The following NLRC3 variants were observed in gnomAD, a reference collection of about 807,000 sequenced individuals.
NLRC3 encodes the protein NLR family CARD domain containing 3.
In NLRC3, 87 loss-of-function variants were observed where a neutral mutation model predicts 91.6. That is an observed-to-expected ratio of 0.95 (90% CI 0.80 to 1.14). The LOEUF is 1.14. NLRC3 is among the 50% of genes most tolerant of loss of function. NLRC3 has a pLI of 0.00. For missense variants in NLRC3, 1,577 were observed against 1,418.6 expected (o/e 1.11, Z -1.79); for synonymous variants, 694 against 625.3 (o/e 1.11, Z -1.64).
At chr16:3,576,910 T>TC (rs1173916229) in intron 1 of NLRC3, among the ~76,000 whole-genome samples, 1 of 152,142 alleles carries the variant, frequency 6.6e-6, no homozygotes, top group Non-Finnish European at 1.5e-5. Context: ...CCTCAAGTGA[T>TC]CCGCCCACCT....
At chr16:3,549,033 G>T in intron 13 of NLRC3, 109 bp downstream of exon 13, 1 of 870,916 alleles carries the variant, frequency 1.1e-6, no homozygotes, top group Non-Finnish European at 1.9e-6. Flanking sequence ...TCCCCAGCCA[G>T]CTCCTTCTCC....
chr16:3,540,839 C>T lies in NLRC3; in HGVS notation c.*986G>A, dbSNP rs2038363589. 1 of 151,652 alleles carries T rather than the reference C, an allele frequency of 6.6e-6. No individual in the cohort carries two copies. The highest frequency in any genetic ancestry group is 2.4e-5 in the African/African-American group (1 of 41,250). The allele number at this position is 151,652 out of a possible 1,614,324, so 9.4% of individuals were successfully genotyped here. Reference sequence around the variant, plus strand: ...GACATCACTGAATACACTGAATGTGCTATTGATAACCAGTGTGCCAGACTC... The same window carrying T: ...GACATCACTGAATACACTGAATGTGTTATTGATAACCAGTGTGCCAGACTC... On this transcript the variant is annotated 3_prime_UTR_variant, in exon 20 of 20. Transcript: ENST00000359128.
At chr16:3,552,395 C>A in intron 9 of NLRC3, 116 bp from the exon 10 acceptor site, 1 of 724,530 alleles carries the variant, frequency 1.4e-6, no homozygotes, top group Non-Finnish European at 2.4e-6. Context: ...TTTATTGGAG[C>A]AGGTGGGGAG....
Position 3,557,449 on chromosome 16 carries a change from A to AC in NLRC3, c.2099+143dup, listed in dbSNP as rs1361655796. 9.8e-6 allele frequency: 6 copies of AC among 613,384 alleles called. No individual in the cohort carries two copies. In the African/African-American group the frequency reaches 1.1e-4, roughly 11 times the overall value. The allele number at this position is 613,384 out of a possible 1,614,324, so 38.0% of individuals were successfully genotyped here. On this transcript the variant is annotated intron_variant, in intron 7 of 19. Transcript: ENST00000359128. ...AGTATGGATATTATGTCCAGATGCT[A>AC]CCCAGGGGCTGAATCATGGGAATCA...
rs767581103 is a variant in NLRC3, at chr16:3,564,286, G to C, written c.651C>G (p.Ile217Met). The change falls in exon 5 of 20, where the codon ATC becomes ATG. Residue 217 changes from isoleucine (I) to methionine (M), a missense_variant. Physicochemically the swap from Ile to Met is conservative, Grantham distance 10. Transcript: ENST00000359128. This position sits in a 1 kb window ranked among gnomAD's most constrained non-coding sequence, Gnocchi z 5.9. Reference sequence around the variant, plus strand: ...TCCTGCACTCATCCAAGCCGTCCAGGATCAGGAGGGCCCTGGCTGGGACTG... The same window carrying C: ...TCCTGCACTCATCCAAGCCGTCCAGCATCAGGAGGGCCCTGGCTGGGACTG... ...AVAVPARALL[I>M]LDGLDECRTP... 1 of 1,611,996 alleles carries C rather than the reference G, an allele frequency of 6.2e-7. No homozygotes were observed.
chr16:3,553,908 A>AT (rs761837100), intron 9 of NLRC3, among the ~76,000 whole-genome samples: 2,162 of 130,386 alleles, frequency 0.017, 54 homozygotes, highest in African/African-American at 0.05. Context: ...TGCCTGGTTA[A>AT]TTTTTTTTTT....
chr16:3,541,641 C>T lies in NLRC3; in HGVS notation c.*184G>A. The stretch of plus-strand genomic sequence containing the variant: ...CCCGTCACCCCCTGCCTGGACCACT[C>T]CTGCAGCAGAAGAGGAGCTCACGAC... On this transcript the variant is annotated 3_prime_UTR_variant, in exon 20 of 20. Transcript: ENST00000359128. 1 of 600,812 alleles carries T rather than the reference C, an allele frequency of 1.7e-6. No individual in the cohort carries two copies. Among genetic ancestry groups the T allele is most frequent in the Non-Finnish European group, 3.0e-6 (1 of 337,120 alleles). The allele number at this position is 600,812 out of a possible 1,614,324, so 37.2% of individuals were successfully genotyped here. A position where few individuals can be genotyped will look rare whatever the true frequency, so the allele number is the denominator to read the frequency against.
chr16:3,575,391 G>A (rs550452326), intron 1 of NLRC3, among the ~76,000 whole-genome samples: 2 of 152,334 alleles, frequency 1.3e-5, no homozygotes, highest in South Asian at 4.1e-4. Flanking sequence ...CACTATGGAT[G>A]GTCAGGCGGC....
Position 3,542,393 on chromosome 16 carries a change from A to G in NLRC3, c.3024-119T>C, listed in dbSNP as rs943710720. The G allele has an allele frequency of 5.6e-5, 40 of 709,656 alleles. No individual in the cohort carries two copies. In the East Asian group the frequency reaches 1.1e-3, roughly 19 times the overall value. The allele number at this position is 709,656 out of a possible 1,614,324, so 44.0% of individuals were successfully genotyped here. ...CCAGGCAGATGTGTCCACAGGTGCC[A>G]TGGCAACTCCAGGTGGGAGTTGACC... is the stretch of plus-strand genomic sequence containing the variant. On this transcript the variant is annotated intron_variant, in intron 18 of 19. Transcript: ENST00000359128.
intron 6 of NLRC3, among the ~76,000 whole-genome samples, chr16:3,559,317 A>T (rs1185458640): frequency 6.6e-6 from 1 of 152,234 alleles, no homozygotes; most frequent in Non-Finnish European, 1.5e-5. Flanking sequence ...AAAGAAGAGC[A>T]TGTGGCCAGA....
chr16:3,541,403 A>T lies in NLRC3; in HGVS notation c.*422T>A. 6.1e-6 allele frequency: 1 copy of T among 162,760 alleles called. No individual in the cohort carries two copies. Among genetic ancestry groups the T allele is most frequent in the Non-Finnish European group, 1.3e-5 (1 of 75,062 alleles). 10.1% of individuals were successfully genotyped at this position (162,760 alleles called of 1,614,324 possible). ...TACCCCTACCAAACGGATGCTCCTC[A>T]CGGGCTTGAGGTGGCAGCTCATCTC... is the stretch of plus-strand genomic sequence containing the variant. On this transcript the variant is annotated 3_prime_UTR_variant, in exon 20 of 20. Transcript: ENST00000359128.
chr16:3,552,557 C>T lies in NLRC3; in HGVS notation c.2268-278G>A, dbSNP rs551582770. Among the ~76,000 whole-genome samples, 4 of 152,254 alleles carry T rather than the reference C, an allele frequency of 2.6e-5. No homozygotes were observed. The East Asian group carries it at 7.7e-4, about 29-fold the overall frequency. On this transcript the variant is annotated intron_variant, in intron 9 of 19. Transcript: ENST00000359128. The stretch of plus-strand genomic sequence containing the variant: ...GGTGCTGATAATGCCCAGCAACCTC[C>T]CGAATGGGGACCTCCATGGACAAGT...
At chr16:3,562,397 T>C (rs1389760739) in intron 5 of NLRC3, among the ~76,000 whole-genome samples, 1 of 151,920 alleles carries the variant, frequency 6.6e-6, no homozygotes, top group Non-Finnish European at 1.5e-5. Flanking sequence ...TCCCAGCAAT[T>C]TGGGAGGCTG....
intron 1 of NLRC3, among the ~76,000 whole-genome samples, chr16:3,574,525 G>A (rs954442990): frequency 7.9e-5 from 12 of 152,146 alleles, no homozygotes; most frequent in Non-Finnish European, 1.5e-4. Flanking sequence ...GCGGGGACGG[G>A]GTGTAGGGGG....
chr16:3,564,916 G>A lies in NLRC3; in HGVS notation c.121C>T (p.Gln41Ter), dbSNP rs1242185168. The A allele has an allele frequency of 6.2e-7, 1 of 1,610,088 alleles. No individual in the cohort carries two copies. Among genetic ancestry groups the A allele is most frequent in the Non-Finnish European group, 8.5e-7 (1 of 1,179,640 alleles). ...GTCCTATCCAGGGCCTGCGGGGCCT[G>A]GGAGCCTTGACTGCCCTTCCCAGCC... ...LLAGKGSQGSQAPQALDRTPD... is the reference protein window; with the variant it reads ...LLAGKGSQGS The change falls in exon 4 of 20, where the codon CAG (glutamine) becomes TAG (stop). Residue 41 changes from glutamine to a stop codon, truncating the protein, a stop_gained. Transcript: ENST00000359128. LOFTEE classifies it high-confidence loss of function. This position sits in a 1 kb window ranked among gnomAD's most constrained non-coding sequence, Gnocchi z 5.9.
intron 17 of NLRC3, 78 bp from the exon 18 acceptor site, chr16:3,542,853 G>A: frequency 1.0e-6 from 1 of 964,142 alleles, no homozygotes; most frequent in Non-Finnish European, 1.6e-6. Flanking sequence ...GTGGGCTTGG[G>A]GCTGCTTGGT....
intron 1 of NLRC3, among the ~76,000 whole-genome samples, chr16:3,572,077 T>C (rs985479976): frequency 1.3e-5 from 2 of 151,950 alleles, no homozygotes; most frequent in African/African-American, 2.4e-5. Context: ...AAAGAACTTA[T>C]AAATCAATAA....
At chr16:3,542,857 G>T in intron 17 of NLRC3, 82 bp from the exon 18 acceptor site, 1 of 887,106 alleles carries the variant, frequency 1.1e-6, no homozygotes, top group Non-Finnish European at 1.8e-6. Flanking sequence ...GCTTGGGGCT[G>T]CTTGGTAGAG....
At chr16:3,552,594 C>T (rs1218936732) in intron 9 of NLRC3, among the ~76,000 whole-genome samples, 1 of 152,132 alleles carries the variant, frequency 6.6e-6, no homozygotes, top group African/African-American at 2.4e-5. Flanking sequence ...TCTCTGGTGC[C>T]TTACCTGCAG....
Sources: gnomAD v4.1 joint callset for allele counts (sites outside exome capture counted in the v4.1 genomes callset) on GRCh38, gnomAD v4.1.1 for gene constraint, Gnocchi (gnomAD v3.1) non-coding constraint, MANE v1.5 for transcripts, NCBI Gene and HGNC (gene_info 2026-07-23, HGNC 2026-07-21) for gene names.